The following FXYD5 variants were observed in gnomAD, a reference collection of about 807,000 sequenced individuals.
The protein encoded by FXYD5 is FXYD domain containing ion transport regulator 5.
Under a neutral mutation model 25.7 loss-of-function variants are expected in FXYD5, and 21 were observed. The observed-to-expected ratio is 0.82, with a 90% CI of 0.58 to 1.18. FXYD5 has a LOEUF of 1.18. Ranked by LOEUF, FXYD5 falls within the 50% of genes most tolerant of loss-of-function variation. The pLI is 0.00. For missense variants in FXYD5, 229 were observed against 227.7 expected (o/e 1.01, Z -0.04); for synonymous variants, 101 against 90.7 (o/e 1.11, Z -0.64).
At chr19:35,167,174 G>A (rs1307730606) in intron 8 of FXYD5, among the ~76,000 whole-genome samples, 1 of 152,192 alleles carries the variant, frequency 6.6e-6, no homozygotes, top group Non-Finnish European at 1.5e-5. Context: ...ACGATTAACT[G>A]GAGAAAGTTT....
intron 2 of FXYD5, among the ~76,000 whole-genome samples, chr19:35,156,560 A>G (rs932034767): frequency 2.0e-5 from 3 of 152,186 alleles, no homozygotes; most frequent in African/African-American, 7.2e-5. Context: ...TTGGACCAAC[A>G]AACACTTGGA....
Position 35,169,576 on chromosome 19 carries a change from C to T in FXYD5, c.498C>T (p.Cys166=), listed in dbSNP as rs543604257. Residue 166 remains cysteine, a synonymous_variant, in exon 9 of 9, where the codon TGC becomes TGT. Coordinates refer to ENST00000392219, the MANE Select transcript of FXYD5 (RefSeq NM_014164.6). ...TTCCTTCACCCACAGGTGGCAAGTG[C>T]AGGCAGCTGTCCCGGTTATGCCGGA... ...TGIIILTSGK[C]RQLSRLCRNR... The T allele has an allele frequency of 6.8e-6, 11 of 1,609,798 alleles. No individual in the cohort carries two copies. In the South Asian group the frequency reaches 9.9e-5, roughly 14 times the overall value.
At chr19:35,159,403 T>A in intron 4 of FXYD5, 1 of 1,436,984 alleles carries the variant, frequency 7.0e-7, no homozygotes. Context: ...GGAGACCTTA[T>A]GATTGTTCTG....
At chr19:35,168,091 T>C (rs2065466684) in intron 8 of FXYD5, among the ~76,000 whole-genome samples, 2 of 151,054 alleles carry the variant, frequency 1.3e-5, no homozygotes, top group Non-Finnish European at 2.9e-5. Context: ...AAAAAAAGAA[T>C]CAGTGAAGGA....
At chr19:35,168,100 G>A (rs1412364933) in intron 8 of FXYD5, among the ~76,000 whole-genome samples, 1 of 151,896 alleles carries the variant, frequency 6.6e-6, no homozygotes. Context: ...ATCAGTGAAG[G>A]ATTGGACCCA....
intron 5 of FXYD5, 21 bp from the exon 6 acceptor site, chr19:35,164,135 C>G: frequency 6.2e-7 from 1 of 1,613,904 alleles, no homozygotes; most frequent in Non-Finnish European, 8.5e-7. Flanking sequence ...CTGCCCTCCA[C>G]TGATCTGGCC....
chr19:35,163,997 A>G (rs900624518), intron 5 of FXYD5, 159 bp from the exon 6 acceptor site: 2 of 1,486,840 alleles, frequency 1.3e-6, no homozygotes, highest in Non-Finnish European at 1.8e-6. Flanking sequence ...GTCATTACTT[A>G]TTGCCTCTAG....
At chr19:35,167,461 C>T (rs1030232551) in intron 8 of FXYD5, among the ~76,000 whole-genome samples, 2 of 152,186 alleles carry the variant, frequency 1.3e-5, no homozygotes, top group African/African-American at 4.8e-5. Context: ...CCTCCCACCC[C>T]CCTGTCTCCT....
chr19:35,155,260 T>C, intron 1 of FXYD5: 4 of 502,292 alleles, frequency 8.0e-6, no homozygotes, highest in Non-Finnish European at 1.1e-5. Flanking sequence ...AGGGAGGTGT[T>C]TCTCTGCTTC....
intron 8 of FXYD5, among the ~76,000 whole-genome samples, chr19:35,168,938 C>T (rs1009138411): frequency 5.3e-5 from 8 of 152,080 alleles, no homozygotes; most frequent in African/African-American, 1.9e-4. Context: ...TGGCACATGC[C>T]TGTCATCCCA....
chr19:35,158,328 T>G lies in FXYD5; in HGVS notation c.143-16T>G. On this transcript the variant is annotated splice_polypyrimidine_tract_variant and intron_variant, in intron 3 of 8. Coordinates refer to ENST00000392219, the MANE Select transcript of FXYD5 (RefSeq NM_014164.6). ...CTCTCCTTTTCTCTCCGTGACTCCT[T>G]GTTTCTGGACTCCAGATGCAGTCTA... 1 of 1,584,964 alleles carries G rather than the reference T, an allele frequency of 6.3e-7. No homozygotes were observed. Among genetic ancestry groups the G allele is most frequent in the Non-Finnish European group, 8.7e-7 (1 of 1,153,574 alleles).
intron 5 of FXYD5, among the ~76,000 whole-genome samples, chr19:35,161,958 T>C (rs1036147390): frequency 6.6e-6 from 1 of 152,224 alleles, no homozygotes; most frequent in African/African-American, 2.4e-5. Context: ...TTACAGAATC[T>C]ATCTATTAAA....
intron 8 of FXYD5, among the ~76,000 whole-genome samples, chr19:35,167,165 C>T (rs187457651): frequency 2.6e-5 from 4 of 152,116 alleles, no homozygotes; most frequent in Admixed American, 6.5e-5. Context: ...GACCTGCAAA[C>T]GATTAACTGG....
intron 4 of FXYD5, 71 bp from the exon 5 acceptor site, chr19:35,160,638 G>A (rs745318714): frequency 8.6e-6 from 9 of 1,047,216 alleles, no homozygotes; most frequent in East Asian, 2.4e-5. Context: ...AAGCCACCGC[G>A]CCCGGCCCCA....
chr19:35,156,358 T>C (rs1469524705), intron 2 of FXYD5, among the ~76,000 whole-genome samples: 1 of 152,244 alleles, frequency 6.6e-6, no homozygotes, highest in Non-Finnish European at 1.5e-5. Flanking sequence ...ATTGAGCACC[T>C]ACTATGTGCT....
At chr19:35,163,939 A>G in intron 5 of FXYD5, 1 of 1,416,546 alleles carries the variant, frequency 7.1e-7, no homozygotes. Flanking sequence ...GAGGCAGATC[A>G]GATAGTCGCA....
At chr19:35,162,541 C>T (rs2065415467) in intron 5 of FXYD5, among the ~76,000 whole-genome samples, 1 of 152,140 alleles carries the variant, frequency 6.6e-6, no homozygotes, top group African/African-American at 2.4e-5. Flanking sequence ...ATGTCCTCTC[C>T]ATGTGTGGGT....
chr19:35,159,749 C>T, intron 4 of FXYD5: 1 of 1,316,504 alleles, frequency 7.6e-7, no homozygotes, highest in East Asian at 2.6e-5. Flanking sequence ...CCATTGTCCC[C>T]ATTTTACAGA....
At chr19:35,164,108 G>A (rs1400197648) in intron 5 of FXYD5, 48 bp from the exon 6 acceptor site, 2 of 1,613,602 alleles carry the variant, frequency 1.2e-6, no homozygotes, top group Non-Finnish European at 1.7e-6. Flanking sequence ...CCTTGTTTCT[G>A]CCTCCATGGC....
Sources: allele counts gnomAD v4.1 joint callset (sites outside exome capture counted in the v4.1 genomes callset), GRCh38; gene constraint gnomAD v4.1.1; transcripts MANE v1.5; gene names NCBI Gene and HGNC (gene_info 2026-07-23, HGNC 2026-07-21).